Variants in PVT1 observed in about 807,000 individuals in gnomAD.
PVT1 encodes the protein Pvt1 oncogene, also known as CXCR4/PVT1 fusion.
At chr8:127,838,548 T>C (rs938993916) in intron 2 of PVT1, among the ~76,000 whole-genome samples, 1 of 152,010 alleles carries the variant, frequency 6.6e-6, no homozygotes, top group Non-Finnish European at 1.5e-5. Flanking sequence ...CTACTAAAAA[T>C]ACAAAACTTA....
chr8:128,032,629 T>C (rs1345076928), intron 4 of PVT1, among the ~76,000 whole-genome samples: 2 of 152,180 alleles, frequency 1.3e-5, no homozygotes, highest in African/African-American at 2.4e-5. Flanking sequence ...ATATTAAGCA[T>C]TTATTATCTA....
intron 2 of PVT1, among the ~76,000 whole-genome samples, chr8:127,861,429 CAAA>C (rs1815226760): frequency 6.6e-6 from 1 of 152,118 alleles, no homozygotes; most frequent in Non-Finnish European, 1.5e-5. Context: ...GCCAACATGG[CAAA>C]ACCCTGCCTC....
rs1817086451 is a variant in PVT1 at position 127,994,814 on chromosome 8, C to CCCTCAAG, written n.912+5523_912+5524insCCTCAAG. 3.9e-5 allele frequency among the ~76,000 whole-genome samples: 6 copies of CCCTCAAG among 152,254 alleles called. No homozygotes were observed. The East Asian group carries it at 1.2e-3, about 29-fold the overall frequency. ...AGGAATGCCAAGGGCAGGAGAAGAT[C>CCCTCAAG]GATGTCCCAGAACAAGCAATCAGGC... On this transcript the variant is annotated intron_variant and non_coding_transcript_variant, in intron 4 of 10. Transcript: ENST00000651587.
intron 2 of PVT1, among the ~76,000 whole-genome samples, chr8:127,838,925 T>G (rs1814941504): frequency 6.6e-6 from 1 of 152,170 alleles, no homozygotes; most frequent in African/African-American, 2.4e-5. Context: ...ACTGTACTTC[T>G]TCTATGTTTA....
chr8:128,040,970 T>A (rs1368955525), intron 4 of PVT1, among the ~76,000 whole-genome samples: 1 of 151,456 alleles, frequency 6.6e-6, no homozygotes, highest in Admixed American at 6.6e-5. Flanking sequence ...TTTGTGTGCA[T>A]ATGTTTGTGT....
intron 4 of PVT1, among the ~76,000 whole-genome samples, chr8:128,034,589 A>T (rs1813439733): frequency 1.3e-5 from 2 of 152,334 alleles, no homozygotes; most frequent in African/African-American, 4.8e-5. Context: ...CAAACACAGC[A>T]TGGAAGCTAA....
chr8:127,808,136 C>G (rs2129654528), intron 2 of PVT1, among the ~76,000 whole-genome samples: 1 of 152,254 alleles, frequency 6.6e-6, no homozygotes, highest in Non-Finnish European at 1.5e-5. Context: ...CAACCTCCAC[C>G]TCCTGGGTTC....
chr8:128,052,428 AC>A (rs1186701446), intron 4 of PVT1, among the ~76,000 whole-genome samples: 1 of 151,844 alleles, frequency 6.6e-6, no homozygotes, highest in Non-Finnish European at 1.5e-5. Context: ...TCTTATTCCT[AC>A]CCTTTTCAAT....
intron 4 of PVT1, among the ~76,000 whole-genome samples, chr8:128,029,721 C>G (rs568409082): frequency 6.6e-6 from 1 of 152,284 alleles, no homozygotes; most frequent in Non-Finnish European, 1.5e-5. Context: ...ATCACTTGAA[C>G]CCAGGAGGTG....
chr8:128,041,423 G>A (rs1010130577), intron 4 of PVT1, among the ~76,000 whole-genome samples: 19 of 148,828 alleles, frequency 1.3e-4, no homozygotes, highest in African/African-American at 2.7e-4. Context: ...GTTTGTGCTC[G>A]TGTGTTTGTG....
At chr8:127,937,790 T>C (rs1456232686) in intron 3 of PVT1, among the ~76,000 whole-genome samples, 1 of 152,120 alleles carries the variant, frequency 6.6e-6, no homozygotes, top group Non-Finnish European at 1.5e-5. Context: ...TCAATCTTTA[T>C]GGGCATCGAA....
At chr8:127,799,074 G>T (rs976581110) in intron 2 of PVT1, among the ~76,000 whole-genome samples, 1 of 151,908 alleles carries the variant, frequency 6.6e-6, no homozygotes, top group Non-Finnish European at 1.5e-5. Context: ...GCGAAATTCC[G>T]AACTATCTGT....
chr8:127,938,881 T>C (rs1213700944), intron 3 of PVT1, among the ~76,000 whole-genome samples: 1 of 152,222 alleles, frequency 6.6e-6, no homozygotes, highest in Non-Finnish European at 1.5e-5. Context: ...GTTGAGCGTC[T>C]CCTTTGAGCA....
intron 2 of PVT1, among the ~76,000 whole-genome samples, chr8:127,828,799 G>C (rs961845490): frequency 2.0e-5 from 3 of 152,104 alleles, no homozygotes; most frequent in Non-Finnish European, 2.9e-5. Flanking sequence ...GGGATGGAAA[G>C]CTGACGAGAT....
At chr8:128,071,886 T>G (rs1365372012) in intron 5 of PVT1, among the ~76,000 whole-genome samples, 1 of 152,116 alleles carries the variant, frequency 6.6e-6, no homozygotes, top group East Asian at 1.9e-4. Context: ...AGAATCCTGA[T>G]TCTGACAATT....
At chr8:128,075,485 A>G (rs1019771938) in intron 5 of PVT1, among the ~76,000 whole-genome samples, 1 of 152,158 alleles carries the variant, frequency 6.6e-6, no homozygotes, top group African/African-American at 2.4e-5. Flanking sequence ...ATATTAAATG[A>G]TTGCATTCAT....
intron 4 of PVT1, among the ~76,000 whole-genome samples, chr8:128,063,564 A>C (rs1379558698): frequency 6.6e-6 from 1 of 152,188 alleles, no homozygotes; most frequent in South Asian, 2.1e-4. Flanking sequence ...ACACACACAC[A>C]CACACATATG....
At chr8:128,081,834 A>T (rs1814184421) in intron 5 of PVT1, among the ~76,000 whole-genome samples, 1 of 152,218 alleles carries the variant, frequency 6.6e-6, no homozygotes. Context: ...TTAACTAGTA[A>T]CAGAACCAAG....
rs1431194797 is a variant in PVT1, at chr8:128,020,503, T to C, written n.912+31212T>C. On this transcript the variant is annotated intron_variant and non_coding_transcript_variant, in intron 4 of 10. Transcript: ENST00000651587. ...GGAACTGGAGGGAGAGACTGGTTGC[T>C]AACGGTGGCCCCTAGCTAACAGCCA... Among the ~76,000 whole-genome samples, 3 of 152,180 alleles carry C rather than the reference T, an allele frequency of 2.0e-5. No individual in the cohort carries two copies. In the East Asian group the frequency reaches 5.8e-4, roughly 29 times the overall value.
Sources: gnomAD v4.1 joint callset for allele counts (sites outside exome capture counted in the v4.1 genomes callset) on GRCh38, gnomAD v4.1.1 for gene constraint, MANE v1.5 for transcripts, NCBI Gene and HGNC (gene_info 2026-07-23, HGNC 2026-07-21) for gene names.